The following TRPC7 variants were observed in gnomAD, a reference collection of about 807,000 sequenced individuals.
TRPC7 encodes transient receptor potential cation channel subfamily C member 7, also known as short transient receptor potential channel 7.
Under a neutral mutation model 90.1 loss-of-function variants are expected in TRPC7, and 42 were observed. The ratio of observed to expected loss-of-function variants is 0.47; its 90% CI spans 0.36 to 0.60. The LOEUF (loss-of-function observed/expected upper bound fraction) is 0.60. Ranked by LOEUF, TRPC7 falls within the 20% of genes least tolerant of loss-of-function variation. The pLI is 0.00. For synonymous variants in TRPC7, 451 were observed against 436.3 expected (o/e 1.03, Z -0.42); for missense variants, 955 against 1,112.3 (o/e 0.86, Z 2.01).
intron 3 of TRPC7, among the ~76,000 whole-genome samples, chr5:136,279,354 G>A (rs551200959): frequency 6.6e-6 from 1 of 152,320 alleles, no homozygotes; most frequent in South Asian, 2.1e-4. Context: ...CTCAGTCTCA[G>A]GGTGCAGGCA....
At chr5:136,246,748 T>C (rs1421787209) in intron 7 of TRPC7, among the ~76,000 whole-genome samples, 1 of 152,238 alleles carries the variant, frequency 6.6e-6, no homozygotes, top group Non-Finnish European at 1.5e-5. Flanking sequence ...AGTTCTGTTT[T>C]CTAGGCAACA....
intron 2 of TRPC7, among the ~76,000 whole-genome samples, chr5:136,318,100 G>A (rs893237493): frequency 6.6e-6 from 1 of 152,162 alleles, no homozygotes. Context: ...CCAGGCCTGC[G>A]AGGAAGAAGA....
At chr5:136,331,159 G>T (rs1313045309) in intron 2 of TRPC7, among the ~76,000 whole-genome samples, 4 of 152,068 alleles carry the variant, frequency 2.6e-5, no homozygotes, top group Non-Finnish European at 4.4e-5. Flanking sequence ...ACATTTTCTG[G>T]GGTGTCTTTG....
intron 7 of TRPC7, among the ~76,000 whole-genome samples, chr5:136,237,841 AG>A (rs1756031328): frequency 6.6e-6 from 1 of 152,246 alleles, no homozygotes; most frequent in Non-Finnish European, 1.5e-5. Context: ...TCTGGCTGAA[AG>A]ACTATGGAGC....
At chr5:136,270,088 T>C (rs999142830) in intron 4 of TRPC7, among the ~76,000 whole-genome samples, 1 of 152,166 alleles carries the variant, frequency 6.6e-6, no homozygotes, top group Admixed American at 6.6e-5. Context: ...TCAAGTCCAT[T>C]TCAAGGTCGG....
chr5:136,301,352 TTTTTTTTTA>T (rs1580924623), intron 3 of TRPC7, among the ~76,000 whole-genome samples: 4 of 125,258 alleles, frequency 3.2e-5, no homozygotes, highest in Admixed American at 7.7e-5. Context: ...TTTTTTTTTT[TTTTTTTTTA>T]ACAAATCATA....
chr5:136,345,417 C>T (rs559203814), intron 2 of TRPC7, among the ~76,000 whole-genome samples: 133 of 152,144 alleles, frequency 8.7e-4, no homozygotes, highest in Middle Eastern at 3.4e-3. Flanking sequence ...TACAAAAATA[C>T]GGGCGTGGTG....
At chr5:136,359,323 T>C (rs577030126) in intron 1 of TRPC7, among the ~76,000 whole-genome samples, 1 of 152,294 alleles carries the variant, frequency 6.6e-6, no homozygotes, top group South Asian at 2.1e-4. Flanking sequence ...GCAACTTCTT[T>C]ATCTGCACAA....
In TRPC7 at chr5:136,247,018, C is replaced by G. The variant is rs1454851172; in HGVS notation, c.1844+453G>C. Among the ~76,000 whole-genome samples the G allele has an allele frequency of 1.3e-5, 2 of 151,448 alleles. No individual in the cohort carries two copies. The highest frequency in any genetic ancestry group is 2.5e-5 in the African/African-American group (1 of 40,786). On this transcript the variant is annotated intron_variant, in intron 7 of 11. Transcript: ENST00000513104. This position sits in a 1 kb window ranked among gnomAD's most constrained non-coding sequence, Gnocchi z 4.2. ...ATGGATTGCAGTCCTAACTTTACCC[C>G]CAAAGTTTACCACCACAAAATATCT...
rs1760691441 is a variant in TRPC7 at position 136,365,389 on chromosome 5, A to G, written c.-135T>C. 2.2e-6 allele frequency: 2 copies of G among 889,446 alleles called. No homozygotes were observed. The highest frequency in any genetic ancestry group is 1.7e-5 in the African/African-American group (1 of 59,704). The allele number at this position is 889,446 out of a possible 1,614,324, so 55.1% of individuals were successfully genotyped here. A position where few individuals can be genotyped will look rare whatever the true frequency, so the allele number is the denominator to read the frequency against. Reference sequence around the variant, plus strand: ...TGGTGCTGAAGTATAGAGCTGGTCAAGTGAGTTAAGTTGCAACGATGTGAA... The same window carrying G: ...TGGTGCTGAAGTATAGAGCTGGTCAGGTGAGTTAAGTTGCAACGATGTGAA... On this transcript the variant is annotated 5_prime_UTR_variant, in exon 1 of 12. Coordinates refer to ENST00000513104, the MANE Select transcript of TRPC7 (RefSeq NM_020389.3).
chr5:136,248,744 T>C (rs534683118), intron 6 of TRPC7, among the ~76,000 whole-genome samples: 154 of 152,350 alleles, frequency 1.0e-3, no homozygotes, highest in Non-Finnish European at 1.8e-3. Context: ...GTATTTCTGC[T>C]GCAGAGCAAA....
chr5:136,219,695 G>A (rs1424722653), intron 10 of TRPC7, among the ~76,000 whole-genome samples: 1 of 152,218 alleles, frequency 6.6e-6, no homozygotes, highest in African/African-American at 2.4e-5. Flanking sequence ...GAACCTGGGA[G>A]GTAGAAGTTG....
rs144308721 is a variant in TRPC7, at chr5:136,250,713, AC to A, written c.1579+935del. On this transcript the variant is annotated intron_variant, in intron 6 of 11. Transcript: ENST00000513104. The stretch of plus-strand genomic sequence containing the variant: ...CTATTTTATTCAGCCCTCAAAACAA[AC>A]TTTTTGATGTAGGTATTATTATCTC... Among the ~76,000 whole-genome samples the A allele has an allele frequency of 8.2e-3, 1,246 of 152,284 alleles. 15 individuals carry two copies. Among genetic ancestry groups the A allele is most frequent in the African/African-American group, 0.021 (880 of 41,552 alleles).
At chr5:136,287,687 C>CAA (rs767031610) in intron 3 of TRPC7, among the ~76,000 whole-genome samples, 646 of 59,470 alleles carry the variant, frequency 0.011, 24 homozygotes, top group East Asian at 0.021. Context: ...AGTGGATGCT[C>CAA]AAAAAAAAAA....
chr5:136,357,301 G>C lies in TRPC7; in HGVS notation c.87C>G (p.Pro29=). ...TGCCCTTCTCGTTGAACATGTAGGC[G>C]GGACCCCGGATGGCCTGGCGACGGC... ...EKGRRQAIRG[P]AYMFNEKGTS... Residue 29 remains proline (P), a synonymous_variant, in exon 2 of 12, where the codon CCC becomes CCG. Coordinates refer to ENST00000513104, the MANE Select transcript of TRPC7 (RefSeq NM_020389.3). 1 of 1,611,274 alleles carries C rather than the reference G, an allele frequency of 6.2e-7. No individual in the cohort carries two copies. The highest frequency in any genetic ancestry group is 8.5e-7 in the Non-Finnish European group (1 of 1,179,874).
chr5:136,342,279 A>G (rs1759869249), intron 2 of TRPC7, among the ~76,000 whole-genome samples: 1 of 152,182 alleles, frequency 6.6e-6, no homozygotes, highest in Admixed American at 6.5e-5. Flanking sequence ...CCCTCTGTTC[A>G]CCAAGCCCAT....
At position 136,356,884 on chromosome 5, in the gene TRPC7, G is replaced by A. The variant is rs1178142311; in HGVS notation, c.504C>T (p.Ile168=). 2 of 1,613,846 alleles carry A rather than the reference G, an allele frequency of 1.2e-6. No individual in the cohort carries two copies. Among genetic ancestry groups the A allele is most frequent in the Non-Finnish European group, 1.7e-6 (2 of 1,179,976 alleles). ...ACTCCTGGCAGTGCGCCGCCAGGAT[G>A]ATGGGCGTGATGTCGTGGGAGAAGC... ...GTRFSHDITP[I]ILAAHCQEYE... Residue 168 remains isoleucine (I), a synonymous_variant, in exon 2 of 12, where the codon ATC becomes ATT. Transcript: ENST00000513104.
At chr5:136,238,751 G>C (rs1756070163) in intron 7 of TRPC7, among the ~76,000 whole-genome samples, 1 of 152,112 alleles carries the variant, frequency 6.6e-6, no homozygotes, top group Admixed American at 6.6e-5. Context: ...CTCAAAACTT[G>C]GTGGTTCTCA....
chr5:136,344,724 G>C (rs1047425705), intron 2 of TRPC7, among the ~76,000 whole-genome samples: 1 of 152,170 alleles, frequency 6.6e-6, no homozygotes, highest in African/African-American at 2.4e-5. Context: ...TAAAACACAA[G>C]AATGCTTGAA....
Sources: gnomAD v4.1 joint callset for allele counts (sites outside exome capture counted in the v4.1 genomes callset) on GRCh38, gnomAD v4.1.1 for gene constraint, Gnocchi (gnomAD v3.1) non-coding constraint, MANE v1.5 for transcripts, NCBI Gene and HGNC (gene_info 2026-07-23, HGNC 2026-07-21) for gene names.